DLEU7: variants seen among roughly 807,000 people sequenced by gnomAD.
DLEU7 encodes deleted in lymphocytic leukemia 7, also known as leukemia-associated protein 7.
Under a neutral mutation model 16.0 loss-of-function variants are expected in DLEU7, and 17 were observed. The ratio of observed to expected loss-of-function variants is 1.06; its 90% confidence interval spans 0.73 to 1.59. The LOEUF (loss-of-function observed/expected upper bound fraction) is 1.59. DLEU7 is among the 40% of genes most tolerant of loss of function. DLEU7 has a pLI of 0.00. For missense variants in DLEU7, 308 were observed against 314.9 expected, an observed-to-expected ratio of 0.98 and a Z score of 0.17; for synonymous variants, 113 against 139.8, an observed-to-expected ratio of 0.81 and a Z score of 1.35.
chr13:50,713,826 G>A (rs559714811), intron 1 of DLEU7, among the ~76,000 whole-genome samples: 83 of 152,284 alleles, frequency 5.5e-4, no homozygotes, highest in African/African-American at 1.9e-3. Context: ...GCAGCAACAC[G>A]GGATGGGGAC....
At chr13:50,765,696 C>T (rs1337434037) in intron 1 of DLEU7, among the ~76,000 whole-genome samples, 1 of 151,726 alleles carries the variant, frequency 6.6e-6, no homozygotes, top group Non-Finnish European at 1.5e-5. Context: ...TAAAATGACA[C>T]TAGAATGAAA....
chr13:50,751,215 T>C (rs538048534), intron 1 of DLEU7, among the ~76,000 whole-genome samples: 101 of 152,346 alleles, frequency 6.6e-4, no homozygotes, highest in Non-Finnish European at 1.1e-3. Flanking sequence ...TAATTCTGTT[T>C]ATGTGGTGTA....
chr13:50,735,892 T>C (rs1325574100), intron 1 of DLEU7, among the ~76,000 whole-genome samples: 1 of 152,200 alleles, frequency 6.6e-6, no homozygotes, highest in Non-Finnish European at 1.5e-5. Context: ...AAGGAATGCT[T>C]CTACACTGTT....
At chr13:50,829,650 C>T (rs1451344994) in intron 1 of DLEU7, among the ~76,000 whole-genome samples, 5 of 152,194 alleles carry the variant, frequency 3.3e-5, no homozygotes, top group African/African-American at 1.2e-4. Flanking sequence ...GCAAGCTTTG[C>T]AAACTCACTT....
intron 1 of DLEU7, among the ~76,000 whole-genome samples, chr13:50,783,556 T>C (rs1346449511): frequency 5.9e-5 from 9 of 152,052 alleles, no homozygotes; most frequent in African/African-American, 2.2e-4. Context: ...CTTCCCTCCC[T>C]AGTATGGGGA....
intron 1 of DLEU7, among the ~76,000 whole-genome samples, chr13:50,837,334 C>A (rs1877504364): frequency 6.6e-6 from 1 of 152,176 alleles, no homozygotes; most frequent in South Asian, 2.1e-4. Flanking sequence ...AACATTTTCA[C>A]CAAGATGTCA....
chr13:50,780,888 T>C (rs1028276802), intron 1 of DLEU7, among the ~76,000 whole-genome samples: 48 of 152,242 alleles, frequency 3.2e-4, no homozygotes, highest in African/African-American at 1.0e-3. Context: ...CTGTCTCCGC[T>C]CGTTTCCCCT....
intron 1 of DLEU7, among the ~76,000 whole-genome samples, chr13:50,807,547 T>C (rs1876430030): frequency 6.6e-6 from 1 of 151,964 alleles, no homozygotes; most frequent in East Asian, 1.9e-4. Flanking sequence ...TGCAATGATA[T>C]TGAGCTTTTG....
intron 1 of DLEU7, among the ~76,000 whole-genome samples, chr13:50,727,513 T>C (rs1460986594): frequency 6.6e-6 from 1 of 151,898 alleles, no homozygotes; most frequent in East Asian, 1.9e-4. Context: ...ATCTGGGAGG[T>C]GGGGGTCATT....
At chr13:50,812,629 C>A (rs1876604200) in intron 1 of DLEU7, among the ~76,000 whole-genome samples, 1 of 152,112 alleles carries the variant, frequency 6.6e-6, no homozygotes, top group Non-Finnish European at 1.5e-5. Flanking sequence ...GGGGCATAAA[C>A]TTCAGTCTAT....
At chr13:50,742,257 A>G (rs1874271194) in intron 1 of DLEU7, among the ~76,000 whole-genome samples, 1 of 152,226 alleles carries the variant, frequency 6.6e-6, no homozygotes, top group Non-Finnish European at 1.5e-5. Context: ...CAATCAACGA[A>G]TCAATAAAAG....
At chr13:50,839,364 C>A (rs1015875674) in intron 1 of DLEU7, among the ~76,000 whole-genome samples, 3 of 152,180 alleles carry the variant, frequency 2.0e-5, no homozygotes, top group African/African-American at 7.2e-5. Flanking sequence ...TTTCATCCAC[C>A]ATGAAGAAAC....
intron 1 of DLEU7, among the ~76,000 whole-genome samples, chr13:50,790,303 A>G (rs1194836931): frequency 6.6e-6 from 1 of 152,048 alleles, no homozygotes; most frequent in Non-Finnish European, 1.5e-5. Context: ...TTTGTTAAAA[A>G]TAAAAATAAA....
At chr13:50,744,481 A>G (rs1874336924) in intron 1 of DLEU7, among the ~76,000 whole-genome samples, 1 of 152,226 alleles carries the variant, frequency 6.6e-6, no homozygotes, top group African/African-American at 2.4e-5. Context: ...ACAAAGGTCT[A>G]TTAGCAATTT....
chr13:50,723,723 AT>A (rs1566229527), intron 1 of DLEU7, among the ~76,000 whole-genome samples: 3 of 151,936 alleles, frequency 2.0e-5, no homozygotes, highest in Non-Finnish European at 2.9e-5. Flanking sequence ...GTCTAAGCCT[AT>A]TTATCTCCCA....
chr13:50,776,212 A>G (rs913081343), intron 1 of DLEU7, among the ~76,000 whole-genome samples: 7 of 152,152 alleles, frequency 4.6e-5, no homozygotes, highest in African/African-American at 1.7e-4. Flanking sequence ...GTATCATTGT[A>G]TGTTTGAGTT....
chr13:50,798,630 A>C (rs1220331004), intron 1 of DLEU7, among the ~76,000 whole-genome samples: 1 of 152,190 alleles, frequency 6.6e-6, no homozygotes, highest in East Asian at 1.9e-4. Context: ...GAGCTCATGC[A>C]AGCTATTTGG....
intron 1 of DLEU7, among the ~76,000 whole-genome samples, chr13:50,779,287 T>G (rs971525537): frequency 1.3e-5 from 2 of 152,192 alleles, no homozygotes; most frequent in Non-Finnish European, 2.9e-5. Flanking sequence ...ACCAGTAATT[T>G]TGTGGGATAT....
intron 1 of DLEU7, among the ~76,000 whole-genome samples, chr13:50,780,786 A>G (rs1042395602): frequency 4.3e-4 from 65 of 152,166 alleles, no homozygotes; most frequent in African/African-American, 1.6e-3. Context: ...CAGAGATGGA[A>G]TCTGTGAGTG....
Sources: allele counts gnomAD v4.1 joint callset (sites outside exome capture counted in the v4.1 genomes callset), GRCh38; gene constraint gnomAD v4.1.1; transcripts MANE v1.5; gene names NCBI Gene and HGNC (gene_info 2026-07-23, HGNC 2026-07-21).